PSPH: variants seen among roughly 807,000 people sequenced by gnomAD.
PSPH encodes the protein phosphoserine phosphatase, also known as L-3-phosphoserine phosphatase.
In PSPH, 16 loss-of-function variants were observed where a neutral mutation model predicts 23.4. The ratio of observed to expected loss-of-function variants is 0.68; its 90% CI spans 0.46 to 1.04. The LOEUF is 1.04. Ranked by LOEUF, PSPH falls within the 50% of genes least tolerant of loss-of-function variation. The pLI, the probability that PSPH is intolerant of heterozygous loss-of-function variation, is 0.00. For missense variants in PSPH, 223 were observed against 273.7 expected (o/e 0.81, Z 1.31); for synonymous variants, 68 against 99.7 (o/e 0.68, Z 1.89).
At position 56,048,777 on chromosome 7, in the gene PSPH, G is replaced by C. The variant is rs186129551; in HGVS notation, c.-292+2361C>G. On this transcript the variant is annotated intron_variant, in intron 1 of 7. Transcript: ENST00000275605. ...CACACAAGTAGCTGGGATTACAGGC[G>C]TGTGCCACCACACCTGGCTTTTTTT... Among the ~76,000 whole-genome samples, 6 of 148,610 alleles carry C rather than the reference G, an allele frequency of 4.0e-5. No homozygotes were observed. In the East Asian group the frequency reaches 9.8e-4, roughly 24 times the overall value.
chr7:56,027,211 CA>C (rs11322718), intron 3 of PSPH, among the ~76,000 whole-genome samples: 62,345 of 115,804 alleles, frequency 0.54, 13,667 homozygotes, highest in East Asian at 0.68. Flanking sequence ...GTCTCAAAAA[CA>C]AAAAAAAAAA....
chr7:56,019,902 T>C, intron 4 of PSPH, 168 bp from the exon 5 acceptor site: 1 of 824,516 alleles, frequency 1.2e-6, no homozygotes, highest in Non-Finnish European at 2.0e-6. Flanking sequence ...TGGAATAAAC[T>C]TTTGAAGGAT....
At chr7:56,021,423 TTC>T (rs1491252631) in intron 3 of PSPH, among the ~76,000 whole-genome samples, 192 bp from the exon 4 acceptor site, 1 of 38,578 alleles carries the variant, frequency 2.6e-5, no homozygotes, top group African/African-American at 2.4e-4. Flanking sequence ...CTTTCTTTCT[TTC>T]TTTTTTTTTT....
At chr7:56,047,689 A>AC (rs1793438629) in intron 1 of PSPH, among the ~76,000 whole-genome samples, 1 of 144,534 alleles carries the variant, frequency 6.9e-6, no homozygotes. Flanking sequence ...TTTTTTTGAT[A>AC]AGAGCCTCGC....
rs1372621247 is a variant in PSPH, at chr7:56,027,887, T to C, written c.-20+4042A>G. 4.3e-4 allele frequency among the ~76,000 whole-genome samples: 32 copies of C among 74,750 alleles called. No individual in the cohort carries two copies. In the Admixed American group the frequency reaches 4.3e-3, roughly 10 times the overall value. 49.0% of individuals were successfully genotyped at this position (74,750 alleles called of 152,430 possible). ...CGAGAACACAGTAAGATTCTTTCTCTAAAAAAAAAAAAAAAAAAAAAAAAA... is the reference window on the plus strand; with the variant it reads ...CGAGAACACAGTAAGATTCTTTCTCCAAAAAAAAAAAAAAAAAAAAAAAAA... On this transcript the variant is annotated intron_variant, in intron 3 of 7. Transcript: ENST00000275605.
intron 1 of PSPH, among the ~76,000 whole-genome samples, chr7:56,034,728 G>A (rs1791498711): frequency 6.6e-6 from 1 of 152,108 alleles, no homozygotes. Flanking sequence ...GTGTTAGCCA[G>A]GATGGTCTCG....
At chr7:56,023,993 C>T (rs926821155) in intron 3 of PSPH, among the ~76,000 whole-genome samples, 2 of 151,876 alleles carry the variant, frequency 1.3e-5, no homozygotes, top group Non-Finnish European at 2.9e-5. Context: ...GTGGCGCGAT[C>T]TCCGCTCACT....
In PSPH at chr7:56,014,943, C is replaced by CA. The variant is rs763420124; in HGVS notation, c.570+79dup. On this transcript the variant is annotated intron_variant, in intron 7 of 7. Coordinates refer to ENST00000275605, the MANE Select transcript of PSPH (RefSeq NM_004577.4). ...GGGCAACAAGAGTGAAACTCCGTCT[C>CA]AAAAAAAATAAAGAAATAATAAATA... The CA allele has an allele frequency of 2.0e-4, 278 of 1,374,326 alleles. 1 individual carries two copies. Among genetic ancestry groups the CA allele is most frequent in the Non-Finnish European group, 2.5e-4 (261 of 1,026,808 alleles). The allele number at this position is 1,374,326 out of a possible 1,614,324, so 85.1% of individuals were successfully genotyped here.
At chr7:56,020,304 T>C (rs796864759) in intron 4 of PSPH, among the ~76,000 whole-genome samples, 267 of 143,992 alleles carry the variant, frequency 1.9e-3, no homozygotes, top group African/African-American at 5.5e-3. Context: ...AGACCAAAGG[T>C]TAAGCATTCT....
chr7:56,043,549 G>A (rs1792825072), intron 1 of PSPH, among the ~76,000 whole-genome samples: 1 of 151,918 alleles, frequency 6.6e-6, no homozygotes, highest in East Asian at 1.9e-4. Context: ...GGGCGTGGTG[G>A]CTCATGCCTG....
At chr7:56,021,907 G>A (rs139401879) in intron 3 of PSPH, among the ~76,000 whole-genome samples, 1,956 of 137,572 alleles carry the variant, frequency 0.014, 46 homozygotes, top group African/African-American at 0.05. Flanking sequence ...CCAAGATCGC[G>A]CCACTGCACT....
At chr7:56,032,290 T>C (rs549104428) in intron 2 of PSPH, among the ~76,000 whole-genome samples, 8 of 152,140 alleles carry the variant, frequency 5.3e-5, no homozygotes, top group Non-Finnish European at 1.2e-4. Flanking sequence ...TAGGAAATCA[T>C]GTACACCTGA....
chr7:56,032,399 A>C (rs112536492), intron 2 of PSPH, among the ~76,000 whole-genome samples: 1 of 152,050 alleles, frequency 6.6e-6, no homozygotes, highest in Non-Finnish European at 1.5e-5. Flanking sequence ...GATGGCTCAC[A>C]CCTGTAATCC....
At chr7:56,016,215 A>T (rs1788532904) in intron 6 of PSPH, among the ~76,000 whole-genome samples, 1 of 151,356 alleles carries the variant, frequency 6.6e-6, no homozygotes, top group African/African-American at 2.4e-5. Context: ...CGTGACCAAC[A>T]TGATGAAACC....
At chr7:56,032,765 AC>A (rs1272601465) in intron 2 of PSPH, among the ~76,000 whole-genome samples, 1 of 152,018 alleles carries the variant, frequency 6.6e-6, no homozygotes, top group African/African-American at 2.4e-5. Flanking sequence ...AGCCTGGGCA[AC>A]ATAGTGAAAT....
rs752770569 is a variant in PSPH, at chr7:56,017,336, G to C, written c.319C>G (p.Leu107Val). 10 of 1,595,858 alleles carry C rather than the reference G, an allele frequency of 6.3e-6. No individual in the cohort carries two copies. Among genetic ancestry groups the C allele is most frequent in the Non-Finnish European group, 8.6e-6 (10 of 1,169,212 alleles). Residue 107 changes from leucine (L) to valine (V), a missense_variant, in exon 6 of 8, where the codon CTA becomes GTA. Transcript: ENST00000275605. ...ATACTCCTAAAGCCACCAGATATTA[G>C]GAAAACCTGAACATTTCGCTCCTGT... ...RLQERNVQVF[L>V]ISGGFRSIVE...
At chr7:56,036,604 G>A (rs1471908876) in intron 1 of PSPH, among the ~76,000 whole-genome samples, 2 of 151,416 alleles carry the variant, frequency 1.3e-5, no homozygotes, top group Non-Finnish European at 2.9e-5. Context: ...ACTCCAGTCT[G>A]GGTAACAGAG....
intron 3 of PSPH, among the ~76,000 whole-genome samples, chr7:56,025,845 T>G (rs1435038463): frequency 1.3e-5 from 2 of 152,142 alleles, no homozygotes; most frequent in Non-Finnish European, 2.9e-5. Context: ...CCACCTGCCT[T>G]GGCCTCCCAA....
intron 3 of PSPH, among the ~76,000 whole-genome samples, chr7:56,023,997 G>A (rs1789822982): frequency 6.6e-6 from 1 of 151,530 alleles, no homozygotes; most frequent in African/African-American, 2.4e-5. Context: ...CGCGATCTCC[G>A]CTCACTGCAA....
Sources: allele counts gnomAD v4.1 joint callset (sites outside exome capture counted in the v4.1 genomes callset), GRCh38; gene constraint gnomAD v4.1.1; transcripts MANE v1.5; gene names NCBI Gene and HGNC (gene_info 2026-07-23, HGNC 2026-07-21).